Variants in ZMAT5 observed in about 807,000 individuals in gnomAD.
ZMAT5 encodes the protein zinc finger matrin-type protein 5.
In ZMAT5, 23 loss-of-function variants were observed where a neutral mutation model predicts 28.0. That is an observed-to-expected ratio of 0.82 (90% CI 0.59 to 1.16). The LOEUF is 1.16. ZMAT5 is among the 50% of genes most tolerant of loss of function. The probability of loss-of-function intolerance (pLI) is 0.00; values close to 1 mark genes in which losing one functional copy is unlikely to be tolerated. For missense variants in ZMAT5, 173 were observed against 212.7 expected, an observed-to-expected ratio of 0.81 and a Z score of 1.16; for synonymous variants, 76 against 84.1, an observed-to-expected ratio of 0.90 and a Z score of 0.52.
At position 29,741,479 on chromosome 22, in the gene ZMAT5, G is replaced by C. The variant is rs1022912987; in HGVS notation, c.191-749C>G. ...CTTACAAACCATGTGAATCATCATAGTTTTCCTCTTTGCCATGGCTGCCAG... is the reference window on the plus strand; with the variant it reads ...CTTACAAACCATGTGAATCATCATACTTTTCCTCTTTGCCATGGCTGCCAG... On this transcript the variant is annotated intron_variant, in intron 3 of 5. Coordinates refer to ENST00000344318, the MANE Select transcript of ZMAT5 (RefSeq NM_001003692.2). Among the ~76,000 whole-genome samples, 70 of 152,324 alleles carry C rather than the reference G, an allele frequency of 4.6e-4. 1 individual carries two copies. The highest frequency in any genetic ancestry group is 1.6e-3 in the African/African-American group (67 of 41,570).
chr22:29,734,921 T>C (rs900172019), intron 5 of ZMAT5, among the ~76,000 whole-genome samples: 5 of 152,048 alleles, frequency 3.3e-5, no homozygotes, highest in African/African-American at 9.7e-5. Flanking sequence ...TCAGGGCTGC[T>C]GTGTGGAGGA....
chr22:29,755,570 C>A, intron 1 of ZMAT5, among the ~76,000 whole-genome samples: 1 of 151,938 alleles, frequency 6.6e-6, no homozygotes, highest in East Asian at 1.9e-4. Flanking sequence ...GCTTTCATTC[C>A]CTTATTTAAT....
intron 3 of ZMAT5, 51 bp downstream of exon 3, chr22:29,742,367 G>A: frequency 1.3e-6 from 2 of 1,581,170 alleles, no homozygotes; most frequent in South Asian, 1.1e-5. Context: ...AGTGGGGCAG[G>A]CTGGATATCG....
chr22:29,734,828 G>A (rs2067889188), intron 5 of ZMAT5, among the ~76,000 whole-genome samples: 1 of 30,038 alleles, frequency 3.3e-5, no homozygotes, highest in Non-Finnish European at 7.9e-5. Context: ...AGGGTCCCCC[G>A]CCCCAGCCCC....
chr22:29,737,331 A>G (rs534989226), intron 5 of ZMAT5, among the ~76,000 whole-genome samples: 1 of 152,304 alleles, frequency 6.6e-6, no homozygotes, highest in East Asian at 1.9e-4. Flanking sequence ...CCATCACAAA[A>G]AAAGAAAGAA....
chr22:29,743,990 G>A (rs988401208), intron 2 of ZMAT5, among the ~76,000 whole-genome samples: 7 of 152,186 alleles, frequency 4.6e-5, no homozygotes, highest in African/African-American at 1.4e-4. Context: ...ATATGACCAC[G>A]TGCAAGCTGC....
At chr22:29,757,958 A>C (rs2147235985) in intron 1 of ZMAT5, among the ~76,000 whole-genome samples, 1 of 151,736 alleles carries the variant, frequency 6.6e-6, no homozygotes, top group South Asian at 2.1e-4. Context: ...CGGAGGTTGC[A>C]GTGAGCCGAG....
intron 2 of ZMAT5, among the ~76,000 whole-genome samples, chr22:29,743,964 C>T (rs1429430697): frequency 6.6e-6 from 1 of 152,206 alleles, no homozygotes; most frequent in East Asian, 1.9e-4. Context: ...GAAACCTGAG[C>T]TCAAATCCTA....
chr22:29,748,072 T>A, intron 2 of ZMAT5: 1 of 361,536 alleles, frequency 2.8e-6, no homozygotes. Context: ...CCACACCCTC[T>A]CCCTCCTGCT....
chr22:29,754,222 C>T (rs1034970632), intron 1 of ZMAT5, among the ~76,000 whole-genome samples: 3 of 152,148 alleles, frequency 2.0e-5, no homozygotes, highest in Non-Finnish European at 4.4e-5. Flanking sequence ...GGGTGGCACA[C>T]GCAGCAGAGT....
In ZMAT5 at chr22:29,731,093, G is replaced by A. The variant is rs962209340; in HGVS notation, c.*132C>T. ...GACGAGGGCTGCACTTGGTGTGGCC[G>A]TGTCCTGAGCCTCAGTGAGGCTGGG... is the stretch of plus-strand genomic sequence containing the variant. On this transcript the variant is annotated 3_prime_UTR_variant, in exon 6 of 6. Transcript: ENST00000344318. The A allele has an allele frequency of 1.6e-5, 16 of 1,010,006 alleles. No homozygotes were observed. The highest frequency in any genetic ancestry group is 1.0e-4 in the African/African-American group (6 of 59,514). The allele number at this position is 1,010,006 out of a possible 1,614,324, so 62.6% of individuals were successfully genotyped here.
intron 1 of ZMAT5, among the ~76,000 whole-genome samples, chr22:29,749,243 T>TA (rs1299702179): frequency 5.3e-5 from 8 of 151,966 alleles, no homozygotes; most frequent in Non-Finnish European, 1.2e-4. Flanking sequence ...ATTCCTAACT[T>TA]AAAAAAACAA....
At chr22:29,731,485 A>G in intron 5 of ZMAT5, 131 bp from the exon 6 acceptor site, 1 of 1,283,568 alleles carries the variant, frequency 7.8e-7, no homozygotes, top group Non-Finnish European at 1.0e-6. Context: ...TCTGGAAGGC[A>G]GAGCCTCGAA....
intron 1 of ZMAT5, among the ~76,000 whole-genome samples, chr22:29,756,345 C>T (rs560245858): frequency 3.3e-5 from 5 of 152,300 alleles, no homozygotes; most frequent in African/African-American, 4.8e-5. Context: ...GGACCCTGTT[C>T]GGAAGGAAGC....
At chr22:29,759,608 A>AT (rs923211601) in intron 1 of ZMAT5, among the ~76,000 whole-genome samples, 5 of 150,720 alleles carry the variant, frequency 3.3e-5, no homozygotes, top group East Asian at 3.9e-4. Context: ...CTAAAAAAAA[A>AT]TTTTTTTTTT....
intron 4 of ZMAT5, among the ~76,000 whole-genome samples, chr22:29,739,731 G>C (rs1002145939): frequency 6.6e-6 from 1 of 152,238 alleles, no homozygotes; most frequent in Non-Finnish European, 1.5e-5. Flanking sequence ...TGCAGCTGCC[G>C]CTGCTGCCAG....
Position 29,742,419 on chromosome 22 carries a change from T to C in ZMAT5, c.189A>G (p.Thr63=), listed in dbSNP as rs770110578. ...CCTGAGCTGTGCAGAGGACTTTACCTGTCAGTAGAAACTTCCTGCAGGGCC... is the reference window on the plus strand; with the variant it reads ...CCTGAGCTGTGCAGAGGACTTTACCCGTCAGTAGAAACTTCCTGCAGGGCC... The part of the protein sequence containing the change: ...NKRPCRKFLL[T]GQCDFGSNCR... The change falls in exon 3 of 6, where the codon ACA becomes ACG. Residue 63 remains threonine (T), a splice_region_variant and synonymous_variant. Transcript: ENST00000344318. 6.8e-6 allele frequency: 11 copies of C among 1,613,214 alleles called. No homozygotes were observed. Among genetic ancestry groups the C allele is most frequent in the Non-Finnish European group, 9.3e-6 (11 of 1,179,808 alleles).
chr22:29,758,462 G>GT (rs888992696), intron 1 of ZMAT5, among the ~76,000 whole-genome samples: 4 of 151,824 alleles, frequency 2.6e-5, no homozygotes, highest in East Asian at 1.9e-4. Flanking sequence ...CAAACAGTTT[G>GT]TTTTTTTTAA....
At chr22:29,731,985 A>C (rs915643466) in intron 5 of ZMAT5, 1 of 152,046 alleles carries the variant, frequency 6.6e-6, no homozygotes, top group South Asian at 2.1e-4. Context: ...CATGCTACTC[A>C]CTGTCCTCCT....
Sources: allele counts gnomAD v4.1 joint callset (sites outside exome capture counted in the v4.1 genomes callset), GRCh38; gene constraint gnomAD v4.1.1; transcripts MANE v1.5; gene names NCBI Gene and HGNC (gene_info 2026-07-23, HGNC 2026-07-21).